The following GPR63 variants were observed in gnomAD, a reference collection of about 807,000 sequenced individuals.
GPR63 encodes G protein-coupled receptor 63.
GPR63 carries 12 observed loss-of-function variants against 23.1 expected under a neutral mutation model. That is an observed-to-expected ratio of 0.52 (90% CI 0.33 to 0.84). GPR63 has a LOEUF of 0.84. GPR63 is among the 40% of genes least tolerant of loss of function. The probability of loss-of-function intolerance (pLI) is 0.02; values close to 1 mark genes in which losing one functional copy is unlikely to be tolerated. For missense variants in GPR63, 472 were observed against 515.6 expected (o/e 0.92, Z 0.82); for synonymous variants, 172 against 191.1 (o/e 0.90, Z 0.82).
intron 1 of GPR63, among the ~76,000 whole-genome samples, chr6:96,823,097 C>A (rs1376747269): frequency 6.6e-6 from 1 of 152,172 alleles, no homozygotes; most frequent in Non-Finnish European, 1.5e-5. Flanking sequence ...AAGTCTAGCA[C>A]ATACAGCACA....
chr6:96,827,835 C>T (rs1774482105), intron 1 of GPR63, among the ~76,000 whole-genome samples: 1 of 152,058 alleles, frequency 6.6e-6, no homozygotes, highest in African/African-American at 2.4e-5. Context: ...CTCTTTCACA[C>T]ATACACACAC....
intron 1 of GPR63, among the ~76,000 whole-genome samples, chr6:96,817,667 G>A (rs1253250292): frequency 6.6e-6 from 1 of 151,956 alleles, no homozygotes; most frequent in East Asian, 1.9e-4. Flanking sequence ...CCACGAAAAT[G>A]GGCAAAACTA....
In GPR63 at chr6:96,830,542, A is replaced by T. The variant is rs538434632; in HGVS notation, c.-151+6726T>A. Among the ~76,000 whole-genome samples the T allele has an allele frequency of 2.6e-5, 4 of 152,338 alleles. No individual in the cohort carries two copies. In the East Asian group the frequency reaches 7.7e-4, roughly 29 times the overall value. On this transcript the variant is annotated intron_variant, in intron 1 of 1. Transcript: ENST00000229955. ...AGGTATTAAGGGAGCAGATAACCTA[A>T]GCCTGACTTAGAGAAAGAAGGAAAG...
At position 96,799,475 on chromosome 6, in the gene GPR63, G is replaced by A. The variant is rs1773700253; in HGVS notation, c.257C>T (p.Ala86Val). Residue 86 changes from alanine to valine, a missense_variant, in exon 2 of 2, where the codon GCT (alanine) becomes GTT (valine). Coordinates refer to ENST00000229955, the MANE Select transcript of GPR63 (RefSeq NM_030784.4). The stretch of plus-strand genomic sequence containing the variant: ...CACAAACAGAATGAATATCATTATA[G>A]CAGAAAGGGTGATCTGAAGAGGCAA... ...LNLPLQITLS[A>V]IMIFILFVSF... The A allele has an allele frequency of 6.2e-7, 1 of 1,614,136 alleles. No individual in the cohort carries two copies. Among genetic ancestry groups the A allele is most frequent in the African/African-American group, 1.3e-5 (1 of 75,038 alleles).
At chr6:96,817,097 A>G (rs558612605) in intron 1 of GPR63, among the ~76,000 whole-genome samples, 1 of 152,328 alleles carries the variant, frequency 6.6e-6, no homozygotes, top group South Asian at 2.1e-4. Flanking sequence ...ACTAAAGACA[A>G]AGGACTCATC....
chr6:96,823,550 G>A (rs1334871986), intron 1 of GPR63, among the ~76,000 whole-genome samples: 15 of 152,130 alleles, frequency 9.9e-5, no homozygotes, highest in African/African-American at 3.6e-4. Flanking sequence ...ATTTAAAAGT[G>A]TATAAAGTAA....
In GPR63 at chr6:96,798,643, C is replaced by T; in HGVS notation, c.1089G>A (p.Lys363=). 1 of 1,614,196 alleles carries T rather than the reference C, an allele frequency of 6.2e-7. No individual in the cohort carries two copies. Residue 363 remains lysine, a synonymous_variant, in exon 2 of 2, where the codon AAG becomes AAA. Coordinates refer to ENST00000229955, the MANE Select transcript of GPR63 (RefSeq NM_030784.4). ...AGTAGATCAGCGGATTCAATGCAGA[C>T]TTGAGGTAGCAGAGCCACAGTAGCC... is the stretch of plus-strand genomic sequence containing the variant. ...STWLLWLCYL[K]SALNPLIYYW...
chr6:96,809,550 C>A (rs1186487732), intron 1 of GPR63, among the ~76,000 whole-genome samples: 5 of 152,070 alleles, frequency 3.3e-5, no homozygotes. Context: ...AAAATTCTTT[C>A]ATGGTTCACT....
chr6:96,799,389 C>T lies in GPR63; in HGVS notation c.343G>A (p.Ala115Thr), dbSNP rs1367470091. 1.2e-6 allele frequency: 2 copies of T among 1,614,038 alleles called. No homozygotes were observed. Among genetic ancestry groups the T allele is most frequent in the African/African-American group, 2.7e-5 (2 of 74,916 alleles). ...MVYQKAAMRS[A>T]INILLASLAF... ...AGGCTGGCAAGGAGGATGTTAATTG[C>T]AGACCTCATGGCAGCTTTTTGGTAA... is the stretch of plus-strand genomic sequence containing the variant. Residue 115 changes from alanine to threonine, a missense_variant, in exon 2 of 2, where the codon GCA (alanine) becomes ACA (threonine). By Grantham distance (58) the Ala-to-Thr change is moderately conservative. Transcript: ENST00000229955.
chr6:96,827,414 A>C (rs550418668), intron 1 of GPR63, among the ~76,000 whole-genome samples: 1 of 152,138 alleles, frequency 6.6e-6, no homozygotes, highest in South Asian at 2.1e-4. Context: ...AGTCTACCAG[A>C]CATGGAATTG....
At chr6:96,820,746 T>C (rs1403175677) in intron 1 of GPR63, among the ~76,000 whole-genome samples, 1 of 152,168 alleles carries the variant, frequency 6.6e-6, no homozygotes, top group East Asian at 1.9e-4. Flanking sequence ...TTTTAACCTG[T>C]TCCCTTAGCA....
Position 96,799,814 on chromosome 6 carries a change from T to A in GPR63, c.-83A>T, listed in dbSNP as rs778146793. 12 of 1,356,568 alleles carry A rather than the reference T, an allele frequency of 8.8e-6. No individual in the cohort carries two copies. Among genetic ancestry groups the A allele is most frequent in the Non-Finnish European group, 1.3e-5 (12 of 949,290 alleles). The allele number at this position is 1,356,568 out of a possible 1,614,324, so 84.0% of individuals were successfully genotyped here. ...CACAGAACAGCAGTATCAGGTCCCATTGATGGGCTTGGAAATACATTCTGG... is the reference window on the plus strand; with the variant it reads ...CACAGAACAGCAGTATCAGGTCCCAATGATGGGCTTGGAAATACATTCTGG... On this transcript the variant is annotated 5_prime_UTR_variant, in exon 2 of 2. An upstream start codon of the reference 5' UTR is lost. Coordinates refer to ENST00000229955, the MANE Select transcript of GPR63 (RefSeq NM_030784.4).
At chr6:96,817,241 C>T (rs2127953798) in intron 1 of GPR63, among the ~76,000 whole-genome samples, 2 of 152,216 alleles carry the variant, frequency 1.3e-5, no homozygotes, top group Middle Eastern at 6.8e-3. Context: ...CAGTACAAAA[C>T]AAAATCCACA....
intron 1 of GPR63, among the ~76,000 whole-genome samples, chr6:96,819,198 T>G (rs1433615929): frequency 6.6e-6 from 1 of 152,218 alleles, no homozygotes; most frequent in Non-Finnish European, 1.5e-5. Flanking sequence ...TAAATTATTC[T>G]GCTATAAAGA....
intron 1 of GPR63, among the ~76,000 whole-genome samples, chr6:96,808,162 G>C (rs1037523638): frequency 6.6e-6 from 1 of 152,174 alleles, no homozygotes; most frequent in African/African-American, 2.4e-5. Context: ...ATGTGGAAAT[G>C]AATCAGGATT....
chr6:96,829,969 A>G (rs1774538800), intron 1 of GPR63, among the ~76,000 whole-genome samples: 1 of 152,222 alleles, frequency 6.6e-6, no homozygotes, highest in African/African-American at 2.4e-5. Flanking sequence ...ACAATAAATT[A>G]ACAAAAAACA....
chr6:96,829,805 T>A (rs555967403), intron 1 of GPR63, among the ~76,000 whole-genome samples: 15 of 152,138 alleles, frequency 9.9e-5, no homozygotes, highest in Non-Finnish European at 1.8e-4. Flanking sequence ...AGCTAAGCAC[T>A]CAACCTAAAA....
At chr6:96,823,334 G>A (rs1038343383) in intron 1 of GPR63, among the ~76,000 whole-genome samples, 1 of 152,104 alleles carries the variant, frequency 6.6e-6, no homozygotes, top group Admixed American at 6.6e-5. Flanking sequence ...ACAAGCTATA[G>A]AAGTGGAAGA....
chr6:96,836,654 A>G (rs1317314980), intron 1 of GPR63, among the ~76,000 whole-genome samples: 1 of 152,016 alleles, frequency 6.6e-6, no homozygotes, highest in Non-Finnish European at 1.5e-5. Context: ...TAAAAAGAAG[A>G]ATGTTTCCGA....
Sources: gnomAD v4.1 joint callset for allele counts (sites outside exome capture counted in the v4.1 genomes callset) on GRCh38, gnomAD v4.1.1 for gene constraint, MANE v1.5 for transcripts, NCBI Gene and HGNC (gene_info 2026-07-23, HGNC 2026-07-21) for gene names.